The following LRIG1 variants were observed in gnomAD, a reference collection of about 807,000 sequenced individuals.
LRIG1 encodes leucine-rich repeats and immunoglobulin-like domains protein 1.
In LRIG1, 48 loss-of-function variants were observed where a neutral mutation model predicts 99.2. The observed-to-expected ratio is 0.48, with a 90% CI of 0.38 to 0.62. LRIG1 has a LOEUF of 0.62. Ranked by LOEUF, LRIG1 falls within the 20% of genes least tolerant of loss-of-function variation. The pLI is 0.00. For missense variants in LRIG1, 1,646 were observed against 1,434.4 expected (o/e 1.15, Z -2.38); for synonymous variants, 772 against 596.1 (o/e 1.29, Z -4.30).
At chr3:66,438,745 C>G (rs973338711) in intron 3 of LRIG1, among the ~76,000 whole-genome samples, 1 of 152,214 alleles carries the variant, frequency 6.6e-6, no homozygotes, top group African/African-American at 2.4e-5. Flanking sequence ...CAGCACCCAA[C>G]TGGAGGTGAG....
intron 1 of LRIG1, among the ~76,000 whole-genome samples, chr3:66,485,433 A>G (rs1162590519): frequency 6.6e-6 from 1 of 152,158 alleles, no homozygotes; most frequent in African/African-American, 2.4e-5. Flanking sequence ...CGTTAACACC[A>G]GGGCCTTATC....
At position 66,447,864 on chromosome 3, in the gene LRIG1, C is replaced by T. The variant is rs148351674; in HGVS notation, c.365+3695G>A. Among the ~76,000 whole-genome samples the T allele has an allele frequency of 1.2e-4, 19 of 152,240 alleles. 1 individual carries two copies. The East Asian group carries it at 3.5e-3, about 28-fold the overall frequency. On this transcript the variant is annotated intron_variant, in intron 3 of 18. Transcript: ENST00000273261. Reference sequence around the variant, plus strand: ...ACAAAATTACTGTTGCTGTGGGAATCGTAACTTGAGTGTCCTGGATTTTAA... The same window carrying T: ...ACAAAATTACTGTTGCTGTGGGAATTGTAACTTGAGTGTCCTGGATTTTAA...
chr3:66,407,247 C>T, intron 8 of LRIG1, 101 bp downstream of exon 8: 2 of 1,305,888 alleles, frequency 1.5e-6, no homozygotes, highest in Non-Finnish European at 2.2e-6. Context: ...CCAATTCTGA[C>T]TCGAAGCCAA....
At chr3:66,477,686 T>C (rs1449333048) in intron 1 of LRIG1, among the ~76,000 whole-genome samples, 1 of 152,228 alleles carries the variant, frequency 6.6e-6, no homozygotes, top group Non-Finnish European at 1.5e-5. Context: ...TCCACCTTTC[T>C]TCCTTTATCT....
intron 1 of LRIG1, among the ~76,000 whole-genome samples, chr3:66,488,349 G>A (rs1002530092): frequency 6.6e-6 from 1 of 151,930 alleles, no homozygotes; most frequent in Non-Finnish European, 1.5e-5. Context: ...ACAGCCGGGC[G>A]TGGTGGCTCA....
Position 66,383,057 on chromosome 3 carries a change from G to A in LRIG1, c.2416C>T (p.Leu806=). 2 of 1,614,236 alleles carry A rather than the reference G, an allele frequency of 1.2e-6. No homozygotes were observed. Among genetic ancestry groups the A allele is most frequent in the Admixed American group, 1.7e-5 (1 of 60,036 alleles). ...ATGCACACCCAGACCAGTGACGTCA[G>A]GACGATGCTGCTCACGACAGCAATG... is the stretch of plus-strand genomic sequence containing the variant. ...FTIAVVSSIV[L]TSLVWVCIIY... is the part of the protein sequence containing the mutation. Residue 806 remains leucine, a synonymous_variant, in exon 15 of 19, where the codon CTG becomes TTG. Transcript: ENST00000273261.
At chr3:66,408,243 T>C (rs1294112029) in intron 7 of LRIG1, among the ~76,000 whole-genome samples, 1 of 152,218 alleles carries the variant, frequency 6.6e-6, no homozygotes, top group Non-Finnish European at 1.5e-5. Flanking sequence ...AGAAGATTAA[T>C]GAGCTTTTAA....
intron 1 of LRIG1, among the ~76,000 whole-genome samples, chr3:66,463,647 C>G (rs1700406267): frequency 6.6e-6 from 1 of 152,202 alleles, no homozygotes; most frequent in African/African-American, 2.4e-5. Flanking sequence ...GTCTACCCAG[C>G]CCCGTGTTTG....
intron 9 of LRIG1, among the ~76,000 whole-genome samples, chr3:66,401,053 C>A (rs1702032869): frequency 6.6e-6 from 1 of 152,238 alleles, no homozygotes; most frequent in South Asian, 2.1e-4. Flanking sequence ...AGCCCTCAGA[C>A]AAAGCCAGCT....
chr3:66,450,066 C>G (rs967996015), intron 3 of LRIG1, among the ~76,000 whole-genome samples: 1 of 152,224 alleles, frequency 6.6e-6, no homozygotes, highest in Admixed American at 6.5e-5. Flanking sequence ...CCCTATCAGC[C>G]TCACATAAGA....
At position 66,414,388 on chromosome 3, in the gene LRIG1, T is replaced by A. The variant is rs1702559524; in HGVS notation, c.647+532A>T. 2.0e-5 allele frequency among the ~76,000 whole-genome samples: 3 copies of A among 151,164 alleles called. No individual in the cohort carries two copies. The South Asian group carries it at 6.3e-4, about 31-fold the overall frequency. Reference sequence around the variant, plus strand: ...CCCCACCTGGGGGACAGAGCGAGACTGTCGCAAAAAAAAATAATAATAAAT... The same window carrying A: ...CCCCACCTGGGGGACAGAGCGAGACAGTCGCAAAAAAAAATAATAATAAAT... On this transcript the variant is annotated intron_variant, in intron 5 of 18. Transcript: ENST00000273261.
chr3:66,500,667 T>C lies in LRIG1; in HGVS notation c.-260A>G. The C allele has an allele frequency of 3.7e-6, 1 of 273,652 alleles. No individual in the cohort carries two copies. The highest frequency in any genetic ancestry group is 6.8e-6 in the Non-Finnish European group (1 of 147,116). 17.0% of individuals were successfully genotyped at this position (273,652 alleles called of 1,614,324 possible). A position where few individuals can be genotyped will look rare whatever the true frequency, so the allele number is the denominator to read the frequency against. ...CGGCCCGCCCGCGCTAGCTGCGAACTCCGCCGATTCGGGCAAGGTGTACCC... is the reference window on the plus strand; with the variant it reads ...CGGCCCGCCCGCGCTAGCTGCGAACCCCGCCGATTCGGGCAAGGTGTACCC... On this transcript the variant is annotated 5_prime_UTR_variant, in exon 1 of 19. Coordinates refer to ENST00000273261, the MANE Select transcript of LRIG1 (RefSeq NM_015541.3).
intron 3 of LRIG1, among the ~76,000 whole-genome samples, chr3:66,425,188 C>A (rs1462990240): frequency 6.6e-6 from 1 of 152,212 alleles, no homozygotes; most frequent in Non-Finnish European, 1.5e-5. Flanking sequence ...CTATCTAGCC[C>A]GTCCGAGAGG....
At chr3:66,494,107 A>G (rs1430831462) in intron 1 of LRIG1, among the ~76,000 whole-genome samples, 3 of 152,192 alleles carry the variant, frequency 2.0e-5, no homozygotes, top group Non-Finnish European at 2.9e-5. Context: ...TTTAACCTTC[A>G]AATTGTGCTC....
At chr3:66,432,922 C>T (rs1453346261) in intron 3 of LRIG1, among the ~76,000 whole-genome samples, 3 of 152,154 alleles carry the variant, frequency 2.0e-5, no homozygotes, top group African/African-American at 7.2e-5. Flanking sequence ...ACTGTTCATC[C>T]CCAGTCCTGC....
rs1701714949 is a variant in LRIG1 at position 66,393,671 on chromosome 3, G to A, written c.1468+369C>T. Among the ~76,000 whole-genome samples, 6 of 152,284 alleles carry A rather than the reference G, an allele frequency of 3.9e-5. No individual in the cohort carries two copies. In the South Asian group the frequency reaches 1.2e-3, roughly 32 times the overall value. ...TTCCTGTATTTAACCTTTCATTCTT[G>A]GGGTCGGAAAGAAACACACATTAAA... On this transcript the variant is annotated intron_variant, in intron 12 of 18. Coordinates refer to ENST00000273261, the MANE Select transcript of LRIG1 (RefSeq NM_015541.3).
chr3:66,442,448 GGGAGGAGGAGGA>G (rs138317719), intron 3 of LRIG1, among the ~76,000 whole-genome samples: 2 of 151,550 alleles, frequency 1.3e-5, no homozygotes, highest in Non-Finnish European at 2.9e-5. Context: ...AGTGAGGAGG[GGGAGGAGGAGGA>G]GGAGGAGGAG....
At chr3:66,401,451 C>T (rs977963109) in intron 9 of LRIG1, among the ~76,000 whole-genome samples, 4 of 152,208 alleles carry the variant, frequency 2.6e-5, no homozygotes, top group Non-Finnish European at 4.4e-5. Context: ...GAAAAAGCTG[C>T]GCTTTATTTC....
chr3:66,490,469 C>T (rs1483966181), intron 1 of LRIG1, among the ~76,000 whole-genome samples: 2 of 152,144 alleles, frequency 1.3e-5, no homozygotes, highest in African/African-American at 4.8e-5. Flanking sequence ...ACCACAGACA[C>T]AGAGAAAAAT....
Sources: allele counts gnomAD v4.1 joint callset (sites outside exome capture counted in the v4.1 genomes callset), GRCh38; gene constraint gnomAD v4.1.1; transcripts MANE v1.5; gene names NCBI Gene and HGNC (gene_info 2026-07-23, HGNC 2026-07-21).